TBCD: variants seen among roughly 807,000 people sequenced by gnomAD.
TBCD encodes the protein tubulin-specific chaperone D.
Under a neutral mutation model 169.3 loss-of-function variants are expected in TBCD, and 105 were observed. The ratio of observed to expected loss-of-function variants is 0.62; its 90% CI spans 0.53 to 0.73. The LOEUF is 0.73. Among genes scored for constraint, TBCD ranks in the 30% least tolerant of loss-of-function variants. The pLI, the probability that TBCD is intolerant of heterozygous loss-of-function variation, is 0.00. For missense variants in TBCD, 1,444 were observed against 1,600.1 expected (o/e 0.90, Z 1.66); for synonymous variants, 700 against 643.9 (o/e 1.09, Z -1.32).
In TBCD at chr17:82,768,415, T is replaced by G. The variant is rs748329352; in HGVS notation, c.436-5T>G. The G allele has an allele frequency of 1.2e-6, 2 of 1,613,850 alleles. No individual in the cohort carries two copies. Among genetic ancestry groups the G allele is most frequent in the Non-Finnish European group, 1.7e-6 (2 of 1,179,792 alleles). ...ACTCATTCTTCCCGTGGTTTAATTT[T>G]TTAGGCTTGGGAAACCCGCTACATG... On this transcript the variant is annotated splice_polypyrimidine_tract_variant and splice_region_variant and intron_variant, in intron 4 of 38. Coordinates refer to ENST00000355528, the MANE Select transcript of TBCD (RefSeq NM_005993.5).
chr17:82,875,465 T>C (rs1233074355), intron 14 of TBCD, among the ~76,000 whole-genome samples: 1 of 152,238 alleles, frequency 6.6e-6, no homozygotes, highest in East Asian at 1.9e-4. Context: ...GTGTGTCCAG[T>C]GATTTCCTCA....
chr17:82,866,311 G>A (rs1414293057), intron 13 of TBCD, among the ~76,000 whole-genome samples: 1 of 152,194 alleles, frequency 6.6e-6, no homozygotes, highest in Non-Finnish European at 1.5e-5. Flanking sequence ...CCAGGGTATA[G>A]CAGCACCTAC....
At position 82,766,334 on chromosome 17, in the gene TBCD, AT is replaced by A. The variant is rs759125073; in HGVS notation, c.404del (p.Leu135TrpfsTer25). 1 of 1,613,096 alleles carries A rather than the reference AT, an allele frequency of 6.2e-7. No homozygotes were observed. Among genetic ancestry groups the A allele is most frequent in the Non-Finnish European group, 8.5e-7 (1 of 1,179,624 alleles). ...HEVADVEPVL[D>X]LVTIQNPKDH... is the part of the protein sequence containing the mutation. ...GTTGCCGATGTAGAGCCTGTTTTAG[AT>A]TTGGTCACAATTCAGAATCCCAAGG... On this transcript the variant is annotated frameshift_variant, in exon 4 of 39. Coordinates refer to ENST00000355528, the MANE Select transcript of TBCD (RefSeq NM_005993.5). LOFTEE classifies it high-confidence loss of function.
In TBCD at chr17:82,929,360, A is replaced by G; in HGVS notation, c.2853-2A>G. On this transcript the variant is annotated splice_acceptor_variant, in intron 31 of 38. Coordinates refer to ENST00000355528, the MANE Select transcript of TBCD (RefSeq NM_005993.5). LOFTEE classifies it high-confidence loss of function. ...GGCCTTGTCTCACTCACTCTCTTGC[A>G]GGTCCGATGTGGCCTCCGTGAACTG... The G allele has an allele frequency of 6.2e-7, 1 of 1,612,232 alleles. No individual in the cohort carries two copies. Among genetic ancestry groups the G allele is most frequent in the African/African-American group, 1.3e-5 (1 of 74,996 alleles).
chr17:82,789,054 A>G lies in TBCD; in HGVS notation c.771+7333A>G, dbSNP rs1363282083. ...GAAGATGACCCACGTGGTCCTTTTT[A>G]GTTGTAGTGCTCTCTTGGGGCAAGG... On this transcript the variant is annotated intron_variant, in intron 7 of 38. Coordinates refer to ENST00000355528, the MANE Select transcript of TBCD (RefSeq NM_005993.5). The surrounding 1 kb of genome is among the most constrained non-coding windows in gnomAD (Gnocchi z 4.8). Among the ~76,000 whole-genome samples the G allele has an allele frequency of 7.2e-5, 11 of 152,098 alleles. No homozygotes were observed. Among genetic ancestry groups the G allele is most frequent in the Admixed American group, 7.2e-4 (11 of 15,282 alleles).
At chr17:82,776,299 A>G (rs1186697236) in intron 6 of TBCD, among the ~76,000 whole-genome samples, 2 of 152,056 alleles carry the variant, frequency 1.3e-5, no homozygotes, top group Admixed American at 1.3e-4. Context: ...GGTCCCAGCT[A>G]TTCCGAAGGC....
At chr17:82,752,919 T>C (rs1281159642) in intron 1 of TBCD, among the ~76,000 whole-genome samples, 1 of 152,120 alleles carries the variant, frequency 6.6e-6, no homozygotes. Flanking sequence ...GTCCGTTCCG[T>C]GGACGCCGTG....
At chr17:82,795,439 G>C (rs1422836886) in intron 7 of TBCD, 1 of 669,556 alleles carries the variant, frequency 1.5e-6, no homozygotes, top group Non-Finnish European at 1.8e-6. Flanking sequence ...TGCTCTTCTG[G>C]TTTAGGTTCT....
At chr17:82,869,636 G>C (rs2057419755) in intron 13 of TBCD, among the ~76,000 whole-genome samples, 4 of 152,256 alleles carry the variant, frequency 2.6e-5, no homozygotes, top group Admixed American at 2.6e-4. Flanking sequence ...CTGCGTGGCT[G>C]TTTTGCATAG....
At chr17:82,795,580 A>G (rs1032916002) in intron 7 of TBCD, 12 of 985,414 alleles carry the variant, frequency 1.2e-5, no homozygotes, top group African/African-American at 3.5e-5. Flanking sequence ...TGCAGGTGAT[A>G]CGGTGGTGCT....
intron 2 of TBCD, 91 bp from the exon 3 acceptor site, chr17:82,763,874 G>T (rs1180031201): frequency 9.3e-7 from 1 of 1,076,286 alleles, no homozygotes; most frequent in Admixed American, 2.1e-5. Context: ...CAAAGTGCTG[G>T]GAAAACAGGC....
In TBCD at chr17:82,752,383, T is replaced by G. The variant is rs1239200418; in HGVS notation, c.184+6T>G. ...GGCCCTGGAGCGGTTCCGCGGTGCG[T>G]GGGCGGCGCCGCGTGCCCGCTTCCT... On this transcript the variant is annotated splice_donor_region_variant and intron_variant, in intron 1 of 38. Coordinates refer to ENST00000355528, the MANE Select transcript of TBCD (RefSeq NM_005993.5). 1 of 1,236,684 alleles carries G rather than the reference T, an allele frequency of 8.1e-7. No homozygotes were observed. The highest frequency in any genetic ancestry group is 1.6e-5 in the African/African-American group (1 of 63,408). 76.6% of individuals were successfully genotyped at this position (1,236,684 alleles called of 1,614,324 possible). A position where few individuals can be genotyped will look rare whatever the true frequency, so the allele number is the denominator to read the frequency against.
Position 82,942,372 on chromosome 17 carries a change from G to A in TBCD, c.3565-77G>A, listed in dbSNP as rs575602009. On this transcript the variant is annotated intron_variant, in intron 38 of 38. Coordinates refer to ENST00000355528, the MANE Select transcript of TBCD (RefSeq NM_005993.5). ...CGTGTCAGTCCCCACACAGGGCCCA[G>A]AGGGGTGAGGGTCCCCTGGCTGGGA... The A allele has an allele frequency of 4.2e-5, 67 of 1,606,322 alleles. No individual in the cohort carries two copies. The East Asian group carries it at 1.4e-3, about 33-fold the overall frequency.
Position 82,930,471 on chromosome 17 carries a change from G to A in TBCD, c.2992-51G>A, listed in dbSNP as rs1296245319. On this transcript the variant is annotated intron_variant, in intron 32 of 38. Transcript: ENST00000355528. This position sits in a 1 kb window ranked among gnomAD's most constrained non-coding sequence, Gnocchi z 5.2. ...TGACCGGCTGTAGCCAAGCCTGAGGGGTGGCAGGCTCGGGGGTCCCACTGC... is the reference window on the plus strand; with the variant it reads ...TGACCGGCTGTAGCCAAGCCTGAGGAGTGGCAGGCTCGGGGGTCCCACTGC... 18 of 1,596,940 alleles carry A rather than the reference G, an allele frequency of 1.1e-5. No individual in the cohort carries two copies. The East Asian group carries it at 1.6e-4, about 14-fold the overall frequency.
chr17:82,766,393 G>T (rs376955118), intron 4 of TBCD, 25 bp downstream of exon 4: 2 of 1,572,832 alleles, frequency 1.3e-6, no homozygotes, highest in Admixed American at 3.5e-5. Context: ...CTCCCCCCTC[G>T]TCTCCAGCCC....
intron 23 of TBCD, among the ~76,000 whole-genome samples, chr17:82,918,039 C>T (rs917196121): frequency 3.9e-5 from 6 of 152,168 alleles, no homozygotes; most frequent in Admixed American, 6.5e-5. Context: ...TTCTTCATTT[C>T]GAAATAATTA....
At chr17:82,779,863 C>T (rs1598452666) in intron 6 of TBCD, among the ~76,000 whole-genome samples, 2 of 152,146 alleles carry the variant, frequency 1.3e-5, no homozygotes, top group Admixed American at 6.5e-5. Flanking sequence ...GTCTCGTGGG[C>T]GTCGCGTGGG....
At position 82,929,772 on chromosome 17, in the gene TBCD, C is replaced by T. The variant is rs112064048; in HGVS notation, c.2991+272C>T. On this transcript the variant is annotated intron_variant, in intron 32 of 38. Transcript: ENST00000355528. ...AGCCTTGGAGCTCCCAGCGTCCCCT[C>T]GGGGTTCAATCCTCCAGGACCTGTG... is the stretch of plus-strand genomic sequence containing the variant. The T allele has an allele frequency of 8.1e-3, 4,695 of 581,558 alleles. 198 individuals are homozygous for T. The highest frequency in any genetic ancestry group is 0.078 in the African/African-American group (4,181 of 53,562). 36.0% of individuals were successfully genotyped at this position (581,558 alleles called of 1,614,324 possible). A position where few individuals can be genotyped will look rare whatever the true frequency, so the allele number is the denominator to read the frequency against.
chr17:82,841,024 T>C (rs548541541), intron 13 of TBCD, among the ~76,000 whole-genome samples: 54 of 130,414 alleles, frequency 4.1e-4, no homozygotes, highest in African/African-American at 1.5e-3. Context: ...TGGAGTGCAA[T>C]GGCATGATCT....
Sources: gnomAD v4.1 joint callset for allele counts (sites outside exome capture counted in the v4.1 genomes callset) on GRCh38, gnomAD v4.1.1 for gene constraint, Gnocchi (gnomAD v3.1) non-coding constraint, MANE v1.5 for transcripts, NCBI Gene and HGNC (gene_info 2026-07-23, HGNC 2026-07-21) for gene names.